Variants in ARAP2 observed in about 807,000 individuals in gnomAD.
ARAP2 encodes the protein arf-GAP with Rho-GAP domain, ANK repeat and PH domain-containing protein 2.
In ARAP2, 148 loss-of-function variants were observed where a neutral mutation model predicts 194.5. The ratio of observed to expected loss-of-function variants is 0.76; its 90% CI spans 0.67 to 0.87. The LOEUF is 0.87. Ranked by LOEUF, ARAP2 falls within the 40% of genes least tolerant of loss-of-function variation. ARAP2 has a pLI of 0.00. For missense variants in ARAP2, 2,128 were observed against 1,989.7 expected, an observed-to-expected ratio of 1.07 and a Z score of -1.32; for synonymous variants, 695 against 683.5, an observed-to-expected ratio of 1.02 and a Z score of -0.26.
chr4:36,123,562 C>A (rs1577972810), intron 22 of ARAP2, among the ~76,000 whole-genome samples: 1 of 151,666 alleles, frequency 6.6e-6, no homozygotes, highest in Non-Finnish European at 1.5e-5. Context: ...GAGGTGTTAA[C>A]ATTTCCAAGT....
chr4:36,210,722 C>A lies in ARAP2; in HGVS notation c.1155G>T (p.Glu385Asp), dbSNP rs879705781. 1 of 1,602,656 alleles carries A rather than the reference C, an allele frequency of 6.2e-7. No individual in the cohort carries two copies. Among genetic ancestry groups the A allele is most frequent in the Non-Finnish European group, 8.5e-7 (1 of 1,176,380 alleles). ...IKSSIYDNRK[E>D]KISEDKVEDI... Reference sequence around the variant, plus strand: ...CTTCCACCTTGTCCTCGCTTATTTTCTCCTTTCTGTTATCGTATATGCTAA... The same window carrying A: ...CTTCCACCTTGTCCTCGCTTATTTTATCCTTTCTGTTATCGTATATGCTAA... Residue 385 changes from glutamate to aspartate, a missense_variant, in exon 6 of 33, where the codon GAG becomes GAT. Coordinates refer to ENST00000303965, the MANE Select transcript of ARAP2 (RefSeq NM_015230.4).
intron 19 of ARAP2, among the ~76,000 whole-genome samples, chr4:36,146,622 T>G (rs1553919560): frequency 6.6e-6 from 1 of 152,110 alleles, no homozygotes; most frequent in Non-Finnish European, 1.5e-5. Flanking sequence ...TTTCGTTTTA[T>G]GAAGCTCTTT....
intron 1 of ARAP2, among the ~76,000 whole-genome samples, chr4:36,238,272 C>T (rs1195664414): frequency 1.3e-5 from 2 of 152,190 alleles, no homozygotes; most frequent in East Asian, 1.9e-4. Flanking sequence ...TTCTTTCATT[C>T]TCCCTCAGAA....
At chr4:36,205,725 G>A (rs1363322037) in intron 6 of ARAP2, among the ~76,000 whole-genome samples, 1 of 152,124 alleles carries the variant, frequency 6.6e-6, no homozygotes, top group African/African-American at 2.4e-5. Flanking sequence ...GTGAAAAATG[G>A]AGGTTCTAAG....
intron 5 of ARAP2, among the ~76,000 whole-genome samples, chr4:36,042,733 T>C (rs1007393096): frequency 1.3e-5 from 2 of 152,210 alleles, no homozygotes; most frequent in African/African-American, 4.8e-5. Flanking sequence ...ACTTAACATC[T>C]CCTTTGTGGA....
At chr4:36,153,729 G>A (rs1486957483) in intron 15 of ARAP2, among the ~76,000 whole-genome samples, 4 of 152,158 alleles carry the variant, frequency 2.6e-5, no homozygotes, top group Non-Finnish European at 4.4e-5. Context: ...GTCAGCTACA[G>A]CCTACAGGAC....
chr4:36,184,126 G>T (rs958382322), intron 8 of ARAP2, among the ~76,000 whole-genome samples: 2 of 152,060 alleles, frequency 1.3e-5, no homozygotes, highest in Non-Finnish European at 2.9e-5. Flanking sequence ...TTAACCATCT[G>T]TATACATAGA....
chr4:36,097,943 A>G (rs1715768930), intron 27 of ARAP2, among the ~76,000 whole-genome samples: 1 of 152,130 alleles, frequency 6.6e-6, no homozygotes, highest in South Asian at 2.1e-4. Flanking sequence ...TTATTAATTT[A>G]GAAAAGCTCT....
At chr4:36,038,863 A>G (rs558398331) in intron 5 of ARAP2, among the ~76,000 whole-genome samples, 1 of 152,318 alleles carries the variant, frequency 6.6e-6, no homozygotes, top group East Asian at 1.9e-4. Context: ...TTAAGAATGG[A>G]AAGCAATCTT....
intron 8 of ARAP2, among the ~76,000 whole-genome samples, chr4:36,181,696 T>G (rs906773194): frequency 1.3e-5 from 2 of 152,180 alleles, no homozygotes; most frequent in Non-Finnish European, 2.9e-5. Flanking sequence ...ACACAAATAT[T>G]TACTAAGCCT....
intron 3 of ARAP2, among the ~76,000 whole-genome samples, chr4:36,213,661 C>T (rs1478163017): frequency 1.3e-5 from 2 of 151,972 alleles, no homozygotes; most frequent in Non-Finnish European, 2.9e-5. Context: ...ATTTATAATG[C>T]TAATTCCTAA....
intron 3 of ARAP2, among the ~76,000 whole-genome samples, chr4:36,048,344 T>C (rs533520868): frequency 3.9e-5 from 6 of 151,966 alleles, no homozygotes; most frequent in South Asian, 4.2e-4. Context: ...AAATAGGTAG[T>C]TTTTCAATAT....
Position 36,133,259 on chromosome 4 carries a change from C to A in ARAP2, c.3394G>T (p.Val1132Leu). Residue 1132 changes from valine (V) to leucine (L), a missense_variant, in exon 20 of 33, where the codon GTG becomes TTG. By Grantham distance (32) the Val-to-Leu change is conservative. Transcript: ENST00000303965. ...GTAACAAATGCTATACAGCTGTTCACTATAATGGGAACGTCATTTTTGCTG... is the reference window on the plus strand; with the variant it reads ...GTAACAAATGCTATACAGCTGTTCAATATAATGGGAACGTCATTTTTGCTG... ...QLSKNDVPII[V>L]NSCIAFVTQY... is the part of the protein sequence containing the mutation. 6.2e-7 allele frequency: 1 copy of A among 1,611,024 alleles called. No individual in the cohort carries two copies. Among genetic ancestry groups the A allele is most frequent in the Non-Finnish European group, 8.5e-7 (1 of 1,178,110 alleles).
chr4:36,062,138 T>G (rs1724546656), downstream of ARAP2, among the ~76,000 whole-genome samples: 1 of 152,136 alleles, frequency 6.6e-6, no homozygotes, highest in Non-Finnish European at 1.5e-5. Flanking sequence ...TATGCAGAAG[T>G]TTTTAACCTG....
chr4:36,229,859 T>C (rs1167495002), intron 1 of ARAP2, among the ~76,000 whole-genome samples: 1 of 152,092 alleles, frequency 6.6e-6, no homozygotes, highest in Admixed American at 6.6e-5. Flanking sequence ...ACTATGACTT[T>C]CAAAAAGGTG....
intron 1 of ARAP2, among the ~76,000 whole-genome samples, chr4:36,230,016 G>T (rs1751124195): frequency 6.6e-6 from 1 of 152,122 alleles, no homozygotes; most frequent in African/African-American, 2.4e-5. Context: ...ATCAGAAAGG[G>T]TTTTTTTAAA....
chr4:36,094,206 T>C (rs1242538012), intron 27 of ARAP2, among the ~76,000 whole-genome samples: 1 of 152,146 alleles, frequency 6.6e-6, no homozygotes, highest in Non-Finnish European at 1.5e-5. Flanking sequence ...TTGAAAAAAA[T>C]TTCTCAAAAG....
chr4:36,094,779 T>C (rs1170527188), intron 27 of ARAP2, among the ~76,000 whole-genome samples: 2 of 152,098 alleles, frequency 1.3e-5, no homozygotes, highest in Admixed American at 6.6e-5. Context: ...GAATGCCTCA[T>C]TAAAGGCTCA....
chr4:36,041,125 T>C (rs1720800593), intron 5 of ARAP2, among the ~76,000 whole-genome samples: 1 of 152,108 alleles, frequency 6.6e-6, no homozygotes, highest in African/African-American at 2.4e-5. Flanking sequence ...TTTATGTAAT[T>C]TGATGACAAA....
Sources: gnomAD v4.1 joint callset for allele counts (sites outside exome capture counted in the v4.1 genomes callset) on GRCh38, gnomAD v4.1.1 for gene constraint, MANE v1.5 for transcripts, NCBI Gene and HGNC (gene_info 2026-07-23, HGNC 2026-07-21) for gene names.